Variants in PKHD1 observed in about 807,000 individuals in gnomAD.
PKHD1 encodes fibrocystin.
In PKHD1, 291 loss-of-function variants were observed where a neutral mutation model predicts 412.0. That is an observed-to-expected ratio of 0.71 (90% confidence interval 0.64 to 0.78). The LOEUF is 0.78. PKHD1 is among the 30% of genes least tolerant of loss of function. The pLI is 0.00. For missense variants in PKHD1, 4,825 were observed against 4,950.7 expected (o/e 0.97, Z 0.76); for synonymous variants, 1,777 against 1,821.5 (o/e 0.98, Z 0.62).
chr6:52,086,656 G>A (rs1322370425), intron 1 of PKHD1, among the ~76,000 whole-genome samples: 8 of 152,140 alleles, frequency 5.3e-5, no homozygotes, highest in Non-Finnish European at 1.2e-4. Context: ...TAAAAGTTGG[G>A]AAAACAAACA....
At chr6:51,622,470 A>G (rs1766747759) in intron 66 of PKHD1, 1 of 152,214 alleles carries the variant, frequency 6.6e-6, no homozygotes, top group Non-Finnish European at 1.5e-5. Flanking sequence ...TCAACCAACA[A>G]CAAGAATCAA....
At chr6:51,918,893 G>A (rs2127698418) in intron 37 of PKHD1, among the ~76,000 whole-genome samples, 1 of 152,090 alleles carries the variant, frequency 6.6e-6, no homozygotes, top group Admixed American at 6.6e-5. Context: ...GTAATGATGA[G>A]CTTTTATTCA....
chr6:52,044,849 A>C (rs1385031811), intron 25 of PKHD1, 117 bp downstream of exon 25: 10 of 1,121,256 alleles, frequency 8.9e-6, no homozygotes, highest in African/African-American at 3.1e-5. Flanking sequence ...CCCCTGTTTT[A>C]CACATTGGCA....
Position 51,841,518 on chromosome 6 carries a change from T to C in PKHD1, c.8108-5049A>G, listed in dbSNP as rs1013638012. Among the ~76,000 whole-genome samples the C allele has an allele frequency of 2.6e-5, 4 of 152,210 alleles. No homozygotes were observed. The East Asian group carries it at 7.7e-4, about 29-fold the overall frequency. Reference sequence around the variant, plus strand: ...CCCAGCCTCTGTTCTGTTATCTATATTTTTGCCATAAAGGTTAGTGCAGTT... The same window carrying C: ...CCCAGCCTCTGTTCTGTTATCTATACTTTTGCCATAAAGGTTAGTGCAGTT... On this transcript the variant is annotated intron_variant, in intron 50 of 66. Transcript: ENST00000371117.
chr6:51,838,101 T>TTG (rs1324831748), intron 50 of PKHD1, among the ~76,000 whole-genome samples: 1 of 152,244 alleles, frequency 6.6e-6, no homozygotes, highest in African/African-American at 2.4e-5. Flanking sequence ...TCACGTTGAT[T>TTG]TGTGCATTCT....
At chr6:51,894,229 C>T (rs1208783998) in intron 43 of PKHD1, among the ~76,000 whole-genome samples, 1 of 152,162 alleles carries the variant, frequency 6.6e-6, no homozygotes, top group Non-Finnish European at 1.5e-5. Flanking sequence ...CACAAAAGAA[C>T]CACCACCAAC....
intron 60 of PKHD1, among the ~76,000 whole-genome samples, chr6:51,685,700 T>C (rs1225104544): frequency 6.6e-6 from 1 of 152,126 alleles, no homozygotes; most frequent in Non-Finnish European, 1.5e-5. Flanking sequence ...CACTTTACTA[T>C]TTCCCGAAGC....
At chr6:51,822,326 C>T (rs1766579360) in intron 52 of PKHD1, among the ~76,000 whole-genome samples, 1 of 152,274 alleles carries the variant, frequency 6.6e-6, no homozygotes, top group South Asian at 2.1e-4. Flanking sequence ...ATAGTTTATT[C>T]TCAAGCAATT....
At chr6:51,976,655 T>C (rs1794478092) in intron 35 of PKHD1, among the ~76,000 whole-genome samples, 1 of 152,148 alleles carries the variant, frequency 6.6e-6, no homozygotes, top group Non-Finnish European at 1.5e-5. Context: ...TACCACAATT[T>C]TGAAAACTGA....
chr6:51,796,434 T>A (rs1049954933), intron 52 of PKHD1, among the ~76,000 whole-genome samples: 19 of 151,722 alleles, frequency 1.3e-4, no homozygotes, highest in Admixed American at 2.6e-4. Context: ...TTTAATTAGT[T>A]TTTTTTTCAA....
At position 51,906,281 on chromosome 6, in the gene PKHD1, C is replaced by T. The variant is rs201618773; in HGVS notation, c.6742G>A (p.Gly2248Arg). The T allele has an allele frequency of 7.5e-6, 12 of 1,609,150 alleles. No homozygotes were observed. Among genetic ancestry groups the T allele is most frequent in the East Asian group, 2.2e-5 (1 of 44,848 alleles). Residue 2248 changes from glycine to arginine, a missense_variant, in exon 41 of 67, where the codon GGG (glycine) becomes AGG (arginine). Gly to Arg is a moderately radical substitution (Grantham distance 125, BLOSUM62 -2). Coordinates refer to ENST00000371117, the MANE Select transcript of PKHD1 (RefSeq NM_138694.4). ...NSFSRGLSMC[G>R]TLGLKVDSNV... Reference sequence around the variant, plus strand: ...CTGTCCACCTTCAGGCCCAAGGTCCCGCACATGCTGAGGCCTCTACTGAAG... The same window carrying T: ...CTGTCCACCTTCAGGCCCAAGGTCCTGCACATGCTGAGGCCTCTACTGAAG...
At chr6:51,696,970 C>T (rs895835088) in intron 60 of PKHD1, among the ~76,000 whole-genome samples, 1 of 152,156 alleles carries the variant, frequency 6.6e-6, no homozygotes, top group Non-Finnish European at 1.5e-5. Context: ...GAGCAGATCA[C>T]TTGAGGGCAA....
intron 60 of PKHD1, among the ~76,000 whole-genome samples, chr6:51,688,367 C>T (rs934559598): frequency 2.6e-5 from 4 of 151,996 alleles, no homozygotes; most frequent in African/African-American, 9.7e-5. Flanking sequence ...AAGTCACCAT[C>T]AAAAACTTAG....
chr6:51,925,947 C>A (rs1785535759), intron 37 of PKHD1, among the ~76,000 whole-genome samples: 1 of 148,062 alleles, frequency 6.8e-6, no homozygotes. Flanking sequence ...ATTATGAGTC[C>A]AGGCACTGTT....
chr6:51,819,646 C>T (rs1766047568), intron 52 of PKHD1, among the ~76,000 whole-genome samples: 1 of 152,140 alleles, frequency 6.6e-6, no homozygotes, highest in Admixed American at 6.6e-5. Flanking sequence ...AACTATTTTG[C>T]TCATCATTTT....
intron 60 of PKHD1, among the ~76,000 whole-genome samples, chr6:51,693,866 C>T (rs1778464196): frequency 6.6e-6 from 1 of 152,152 alleles, no homozygotes; most frequent in Admixed American, 6.5e-5. Flanking sequence ...CTATTACTCC[C>T]ATTTTACAGA....
chr6:51,957,920 C>G (rs1791391172), intron 36 of PKHD1, among the ~76,000 whole-genome samples: 1 of 152,076 alleles, frequency 6.6e-6, no homozygotes, highest in Admixed American at 6.6e-5. Context: ...TTTACATTTA[C>G]TTTCTAATTA....
rs1202391344 is a variant in PKHD1 at position 52,062,581 on chromosome 6, C to T, written c.1056G>A (p.Trp352Ter). 1 of 1,614,144 alleles carries T rather than the reference C, an allele frequency of 6.2e-7. No homozygotes were observed. Among genetic ancestry groups the T allele is most frequent in the South Asian group, 1.1e-5 (1 of 91,084 alleles). Residue 352 changes from tryptophan to a stop codon, truncating the protein, a stop_gained, in exon 14 of 67, where the codon TGG (tryptophan) becomes TGA (stop). Transcript: ENST00000371117. LOFTEE classifies it high-confidence loss of function. Reference protein sequence around the residue: ...ELTEATPGYRWQIVPNASSPF... With the variant: ...ELTEATPGYR ...GAGAACTGGCATTAGGGACAATCTG[C>T]CACCTGTACCCTGGGGTGGCTTCAG...
At chr6:52,029,229 G>GA (rs77640449) in intron 29 of PKHD1, among the ~76,000 whole-genome samples, 62,313 of 150,690 alleles carry the variant, frequency 0.41, 14,894 homozygotes, top group Admixed American at 0.56. Context: ...TACTAAAAAA[G>GA]AAAAAAAAAG....
Sources: gnomAD v4.1 joint callset for allele counts (sites outside exome capture counted in the v4.1 genomes callset) on GRCh38, gnomAD v4.1.1 for gene constraint, MANE v1.5 for transcripts, NCBI Gene and HGNC (gene_info 2026-07-23, HGNC 2026-07-21) for gene names.